Variants in UBE2K observed in about 807,000 individuals in gnomAD.
UBE2K encodes ubiquitin conjugating enzyme E2 K.
UBE2K carries 6 observed loss-of-function variants against 30.0 expected under a neutral mutation model. The ratio of observed to expected loss-of-function variants is 0.20; its 90% CI spans 0.11 to 0.39. UBE2K has a LOEUF of 0.39. UBE2K is among the 10% of genes least tolerant of loss of function. The probability of loss-of-function intolerance (pLI) is 1.00; values close to 1 mark genes in which losing one functional copy is unlikely to be tolerated. For synonymous variants in UBE2K, 86 were observed against 83.7 expected (o/e 1.03, Z -0.15); for missense variants, 61 against 241.6 (o/e 0.25, Z 4.96).
intron 2 of UBE2K, among the ~76,000 whole-genome samples, chr4:39,745,504 GTATT>G (rs1288958006): frequency 6.6e-6 from 1 of 152,134 alleles, no homozygotes; most frequent in Non-Finnish European, 1.5e-5. Context: ...TGGATTAAAT[GTATT>G]TATCTCTGGC....
chr4:39,714,259 C>A, intron 1 of UBE2K: 1 of 192,646 alleles, frequency 5.2e-6, no homozygotes, highest in South Asian at 1.1e-4. Context: ...CAACATTGTT[C>A]TGCTGTGCTT....
intron 2 of UBE2K, 113 bp from the exon 3 acceptor site, chr4:39,745,639 A>G (rs1456078602): frequency 1.4e-6 from 1 of 703,390 alleles, no homozygotes; most frequent in East Asian, 3.1e-5. Context: ...CAACTTTAAA[A>G]TGAATTTTTA....
At chr4:39,737,671 A>G (rs1348636059) in intron 2 of UBE2K, among the ~76,000 whole-genome samples, 158 bp downstream of exon 2, 1 of 152,220 alleles carries the variant, frequency 6.6e-6, no homozygotes, top group Non-Finnish European at 1.5e-5. Context: ...GATACTGAAT[A>G]TAGACTGGTA....
chr4:39,751,555 T>G (rs1010843270), intron 3 of UBE2K, among the ~76,000 whole-genome samples: 3 of 152,172 alleles, frequency 2.0e-5, no homozygotes, highest in Non-Finnish European at 4.4e-5. Context: ...GGCGCACGCC[T>G]GTAGTCCCAA....
intron 2 of UBE2K, among the ~76,000 whole-genome samples, chr4:39,739,757 T>C (rs1314468216): frequency 6.6e-6 from 1 of 152,138 alleles, no homozygotes; most frequent in Non-Finnish European, 1.5e-5. Context: ...GCCCATTTTT[T>C]TCTTTCTTTA....
In UBE2K at chr4:39,778,636, G is replaced by A; in HGVS notation, c.*202G>A. ...AAACGTCTGTGTAAATTTAAAAAGG[G>A]GAAATACTTTAATTTTTTTTCTTAA... On this transcript the variant is annotated 3_prime_UTR_variant, in exon 7 of 7. Transcript: ENST00000261427. 1 of 424,250 alleles carries A rather than the reference G, an allele frequency of 2.4e-6. No individual in the cohort carries two copies. The highest frequency in any genetic ancestry group is 4.9e-5 in the South Asian group (1 of 20,534). The allele number at this position is 424,250 out of a possible 1,614,324, so 26.3% of individuals were successfully genotyped here.
chr4:39,727,955 C>T (rs750090277), intron 1 of UBE2K, among the ~76,000 whole-genome samples: 6 of 151,904 alleles, frequency 3.9e-5, no homozygotes, highest in Non-Finnish European at 7.4e-5. Context: ...TGTGGTGAAA[C>T]CCTGTGTCTA....
At chr4:39,732,339 G>A (rs1272326129) in intron 1 of UBE2K, among the ~76,000 whole-genome samples, 1 of 152,132 alleles carries the variant, frequency 6.6e-6, no homozygotes, top group Non-Finnish European at 1.5e-5. Flanking sequence ...AAATCTTCCA[G>A]TGTTTAGTTT....
chr4:39,750,474 A>G (rs1721199472), intron 3 of UBE2K, among the ~76,000 whole-genome samples: 1 of 152,172 alleles, frequency 6.6e-6, no homozygotes, highest in East Asian at 1.9e-4. Flanking sequence ...GTTTTTATTC[A>G]TTGAGTGCTT....
rs1721562268 is a variant in UBE2K at position 39,757,015 on chromosome 4, T to TTTC, written c.299+1278_299+1279insCTT. ...TTTTTTGGGTGTTTTTTTTTTGTTTTTTGTTTTTTGTTTTTTGTTTTTTTT... is the reference window on the plus strand; with the variant it reads ...TTTTTTGGGTGTTTTTTTTTTGTTTTTTCTTGTTTTTTGTTTTTTGTTTTTTTT... On this transcript the variant is annotated intron_variant, in intron 4 of 6. Coordinates refer to ENST00000261427, the MANE Select transcript of UBE2K (RefSeq NM_005339.5). Among the ~76,000 whole-genome samples the TTTC allele has an allele frequency of 1.9e-5, 2 of 103,488 alleles. 1 individual carries two copies. Among genetic ancestry groups the TTTC allele is most frequent in the Non-Finnish European group, 3.8e-5 (2 of 52,614 alleles). The allele number at this position is 103,488 out of a possible 152,430, so 67.9% of individuals were successfully genotyped here.
chr4:39,750,062 C>T (rs1036601110), intron 3 of UBE2K, among the ~76,000 whole-genome samples: 2 of 151,974 alleles, frequency 1.3e-5, no homozygotes, highest in African/African-American at 4.8e-5. Context: ...GGTGTAGTGG[C>T]ACGTGCCTGT....
intron 1 of UBE2K, among the ~76,000 whole-genome samples, chr4:39,732,495 G>A (rs1720126262): frequency 6.6e-6 from 1 of 152,106 alleles, no homozygotes; most frequent in Non-Finnish European, 1.5e-5. Flanking sequence ...TTCACTGAGA[G>A]ATGGCCTTGG....
chr4:39,781,699 G>A lies in UBE2K; in HGVS notation c.*3265G>A. 2.7e-6 allele frequency: 1 copy of A among 377,016 alleles called. No individual in the cohort carries two copies. The highest frequency in any genetic ancestry group is 4.5e-5 in the Admixed American group (1 of 22,148). 23.4% of individuals were successfully genotyped at this position (377,016 alleles called of 1,614,324 possible). On this transcript the variant is annotated 3_prime_UTR_variant, in exon 7 of 7. Transcript: ENST00000261427. ...AGCCAGGTATACCTTCTAGTATGTA[G>A]AGGGAAACAATGTTTAGATAGGAAA...
At chr4:39,715,659 GTCC>G (rs1387794968) in intron 1 of UBE2K, among the ~76,000 whole-genome samples, 1 of 151,934 alleles carries the variant, frequency 6.6e-6, no homozygotes, top group Non-Finnish European at 1.5e-5. Flanking sequence ...TTTACTTATT[GTCC>G]TCCTTTTTGT....
At chr4:39,752,201 C>T (rs1372897284) in intron 3 of UBE2K, among the ~76,000 whole-genome samples, 2 of 152,142 alleles carry the variant, frequency 1.3e-5, no homozygotes, top group Non-Finnish European at 2.9e-5. Flanking sequence ...GGCACGATCT[C>T]AGCTCACTGC....
At chr4:39,735,466 C>T (rs1038155145) in intron 1 of UBE2K, among the ~76,000 whole-genome samples, 10 of 152,176 alleles carry the variant, frequency 6.6e-5, no homozygotes, top group Non-Finnish European at 1.2e-4. Context: ...CTGCAAGCTC[C>T]GCCTCCTGGT....
rs199850978 is a variant in UBE2K, at chr4:39,759,273, TTTA to T, written c.299+3546_299+3548del. Among the ~76,000 whole-genome samples the T allele has an allele frequency of 7.5e-3, 1,146 of 152,250 alleles. 15 individuals are homozygous for T. Among genetic ancestry groups the T allele is most frequent in the African/African-American group, 0.026 (1,079 of 41,524 alleles). On this transcript the variant is annotated intron_variant, in intron 4 of 6. Transcript: ENST00000261427. ...TATTTAACTTATTTTAGTATATTTG[TTTA>T]TTATTATTATTTTTTTTTGAGGCAA...
At chr4:39,706,487 T>TTTG (rs1215826482) in intron 1 of UBE2K, among the ~76,000 whole-genome samples, 1 of 150,936 alleles carries the variant, frequency 6.6e-6, no homozygotes, top group Non-Finnish European at 1.5e-5. Flanking sequence ...TTTTTTTTTT[T>TTTG]TCCCAGATGG....
intron 2 of UBE2K, among the ~76,000 whole-genome samples, chr4:39,738,435 A>G (rs1187601682): frequency 6.6e-6 from 1 of 152,138 alleles, no homozygotes; most frequent in Non-Finnish European, 1.5e-5. Flanking sequence ...GCTTTTAATC[A>G]CTTTATGTAA....
Sources: allele counts gnomAD v4.1 joint callset (sites outside exome capture counted in the v4.1 genomes callset), GRCh38; gene constraint gnomAD v4.1.1; transcripts MANE v1.5; gene names NCBI Gene and HGNC (gene_info 2026-07-23, HGNC 2026-07-21).